The following BTBD9 variants were observed in gnomAD, a reference collection of about 807,000 sequenced individuals.
The protein encoded by BTBD9 is BTB/POZ domain-containing protein 9.
Under a neutral mutation model 64.3 loss-of-function variants are expected in BTBD9, and 49 were observed. The ratio of observed to expected loss-of-function variants is 0.76; its 90% CI spans 0.61 to 0.97. BTBD9 has a LOEUF of 0.97. Among genes scored for constraint, BTBD9 ranks in the 50% least tolerant of loss-of-function variants. BTBD9 has a pLI of 0.00. For missense variants in BTBD9, 598 were observed against 762.1 expected (o/e 0.78, Z 2.53); for synonymous variants, 260 against 274.7 (o/e 0.95, Z 0.53).
chr6:38,499,820 C>T (rs981748944), intron 6 of BTBD9, among the ~76,000 whole-genome samples: 2 of 152,142 alleles, frequency 1.3e-5, no homozygotes, highest in African/African-American at 2.4e-5. Context: ...TGAGTAAATA[C>T]GATATTCTGT....
At chr6:38,247,308 G>T (rs909607085) in intron 9 of BTBD9, among the ~76,000 whole-genome samples, 10 of 152,134 alleles carry the variant, frequency 6.6e-5, no homozygotes, top group Non-Finnish European at 1.2e-4. Context: ...CTTAGAAGAA[G>T]AAATATTTTC....
At chr6:38,284,262 G>A (rs1269281798) in intron 8 of BTBD9, among the ~76,000 whole-genome samples, 2 of 152,126 alleles carry the variant, frequency 1.3e-5, no homozygotes, top group African/African-American at 4.8e-5. Flanking sequence ...TGCCTTTGGT[G>A]TGTTCATGCT....
At chr6:38,425,278 G>T (rs1403754791) in intron 6 of BTBD9, among the ~76,000 whole-genome samples, 8 of 151,462 alleles carry the variant, frequency 5.3e-5, no homozygotes, top group Admixed American at 4.6e-4. Flanking sequence ...GTTAACTTTT[G>T]TATTTTTAGT....
intron 4 of BTBD9, chr6:38,588,086 G>C: frequency 1.4e-6 from 1 of 731,030 alleles, no homozygotes; most frequent in Non-Finnish European, 2.5e-6. Context: ...CCAGCAACAG[G>C]CTAGCTATGG....
chr6:38,382,425 C>T (rs1765974550), intron 6 of BTBD9, among the ~76,000 whole-genome samples: 1 of 148,548 alleles, frequency 6.7e-6, no homozygotes, highest in Non-Finnish European at 1.5e-5. Context: ...TTTAAAGGCA[C>T]AATTATTGGT....
chr6:38,306,163 T>C (rs922980394), intron 7 of BTBD9, among the ~76,000 whole-genome samples: 1 of 152,236 alleles, frequency 6.6e-6, no homozygotes, highest in African/African-American at 2.4e-5. Context: ...GTCTTTCATA[T>C]GCGTCTGATA....
intron 6 of BTBD9, among the ~76,000 whole-genome samples, chr6:38,374,323 A>ATATATATG (rs1562095919): frequency 8.6e-4 from 105 of 121,754 alleles, no homozygotes; most frequent in African/African-American, 2.9e-3. Flanking sequence ...ATATATATAT[A>ATATATATG]TATGTATATA....
chr6:38,477,084 C>G (rs9366961), intron 6 of BTBD9, among the ~76,000 whole-genome samples: 150,889 of 152,316 alleles, frequency 0.99, 74,748 homozygotes, highest in East Asian at 1. Flanking sequence ...GGGGATGCAT[C>G]ACAAAGACAG....
At chr6:38,408,942 A>G (rs1368266239) in intron 6 of BTBD9, among the ~76,000 whole-genome samples, 2 of 152,202 alleles carry the variant, frequency 1.3e-5, no homozygotes, top group African/African-American at 4.8e-5. Context: ...AGTGCTATAG[A>G]AAAAGACCAA....
intron 6 of BTBD9, among the ~76,000 whole-genome samples, chr6:38,546,345 C>T (rs372184695): frequency 3.9e-5 from 6 of 152,130 alleles, no homozygotes; most frequent in African/African-American, 1.4e-4. Flanking sequence ...CCTATACCAA[C>T]CTATCATCTA....
chr6:38,540,820 C>T (rs1263487335), intron 6 of BTBD9, among the ~76,000 whole-genome samples: 2 of 152,170 alleles, frequency 1.3e-5, no homozygotes, highest in Non-Finnish European at 2.9e-5. Flanking sequence ...TACCTAAGGG[C>T]TTAAGTATAA....
At chr6:38,495,682 G>A (rs1463954656) in intron 6 of BTBD9, among the ~76,000 whole-genome samples, 1 of 149,322 alleles carries the variant, frequency 6.7e-6, no homozygotes, top group Non-Finnish European at 1.5e-5. Context: ...AGTTAGAACT[G>A]TGATGGAACC....
intron 7 of BTBD9, among the ~76,000 whole-genome samples, chr6:38,336,788 T>A (rs1763911658): frequency 1.3e-5 from 2 of 152,188 alleles, no homozygotes; most frequent in African/African-American, 2.4e-5. Flanking sequence ...AACTTCCCGA[T>A]ACATGACTTA....
At position 38,310,266 on chromosome 6, in the gene BTBD9, G is replaced by C. The variant is rs184136050; in HGVS notation, c.1265-21805C>G. On this transcript the variant is annotated intron_variant, in intron 7 of 10. Transcript: ENST00000481247. ...CTCTCAGTTCTACCCTGAGGCACCA[G>C]TCCAGGTCTGTGGGTAAATTGGGCA... 2.2e-4 allele frequency among the ~76,000 whole-genome samples: 34 copies of C among 152,278 alleles called. No homozygotes were observed. The South Asian group carries it at 2.3e-3, about 10-fold the overall frequency.
intron 6 of BTBD9, among the ~76,000 whole-genome samples, chr6:38,567,393 T>G (rs1775569585): frequency 6.6e-6 from 1 of 152,212 alleles, no homozygotes; most frequent in South Asian, 2.1e-4. Flanking sequence ...GAAGAAGAAT[T>G]ATTAACTAAT....
At chr6:38,349,273 G>T (rs1764408415) in intron 6 of BTBD9, among the ~76,000 whole-genome samples, 1 of 152,130 alleles carries the variant, frequency 6.6e-6, no homozygotes, top group East Asian at 1.9e-4. Flanking sequence ...AATGAGACAA[G>T]TATTGAAAAT....
chr6:38,364,838 A>C (rs553199344), intron 6 of BTBD9, among the ~76,000 whole-genome samples: 1 of 152,336 alleles, frequency 6.6e-6, no homozygotes, highest in East Asian at 1.9e-4. Flanking sequence ...GACGAACAAG[A>C]CAAGGCCCTG....
chr6:38,599,353 A>G (rs544029944), intron 1 of BTBD9, among the ~76,000 whole-genome samples: 2 of 152,222 alleles, frequency 1.3e-5, no homozygotes, highest in South Asian at 4.2e-4. Context: ...TGGCGTGATC[A>G]CCACTCACTG....
chr6:38,401,242 A>C (rs1766913717), intron 6 of BTBD9, among the ~76,000 whole-genome samples: 1 of 152,078 alleles, frequency 6.6e-6, no homozygotes, highest in South Asian at 2.1e-4. Flanking sequence ...TAAGTGTGGC[A>C]CTTCCTTGCT....
Sources: allele counts gnomAD v4.1 joint callset (sites outside exome capture counted in the v4.1 genomes callset), GRCh38; gene constraint gnomAD v4.1.1; transcripts MANE v1.5; gene names NCBI Gene and HGNC (gene_info 2026-07-23, HGNC 2026-07-21).